XRCC5: variants seen among roughly 807,000 people sequenced by gnomAD.
XRCC5 encodes X-ray repair cross complementing 5, also known as DNA repair protein Ku80.
XRCC5 carries 12 observed loss-of-function variants against 95.7 expected under a neutral mutation model. The observed-to-expected ratio is 0.13, with a 90% CI of 0.08 to 0.20. The LOEUF (loss-of-function observed/expected upper bound fraction) is 0.20, where lower values mean the gene tolerates loss of function less well. Among genes scored for constraint, XRCC5 ranks in the 10% least tolerant of loss-of-function variants. XRCC5 has a pLI of 1.00. For missense variants in XRCC5, 595 were observed against 873.9 expected, an observed-to-expected ratio of 0.68 and a Z score of 4.02; for synonymous variants, 281 against 290.3, an observed-to-expected ratio of 0.97 and a Z score of 0.33.
At chr2:216,119,255 G>A (rs1574452267) in intron 5 of XRCC5, 90 bp downstream of exon 5, 1 of 1,445,178 alleles carries the variant, frequency 6.9e-7, no homozygotes, top group East Asian at 2.3e-5. Context: ...TGGTTTATGG[G>A]AATTTTCGCT....
intron 2 of XRCC5, among the ~76,000 whole-genome samples, chr2:216,114,594 G>A (rs1696648833): frequency 6.6e-6 from 1 of 151,960 alleles, no homozygotes; most frequent in Admixed American, 6.6e-5. Flanking sequence ...TGATGAGCAG[G>A]GCAAGGGAGG....
chr2:216,135,097 T>C (rs200558092), intron 10 of XRCC5, among the ~76,000 whole-genome samples: 1 of 6,686 alleles, frequency 1.5e-4, no homozygotes, highest in African/African-American at 8.1e-4. Context: ...CATAGTTTTT[T>C]TGTTTGTTTG....
intron 13 of XRCC5, 133 bp from the exon 14 acceptor site, chr2:216,147,950 C>T: frequency 1.0e-6 from 1 of 976,068 alleles, no homozygotes; most frequent in Non-Finnish European, 1.5e-6. Context: ...GGTGAATCCT[C>T]TTGATTGTTT....
chr2:216,182,157 G>A (rs888338765), intron 16 of XRCC5, among the ~76,000 whole-genome samples: 6 of 152,146 alleles, frequency 3.9e-5, no homozygotes, highest in Non-Finnish European at 8.8e-5. Context: ...AACAATGGCT[G>A]CCTGTTTCTC....
At chr2:216,174,200 CACCT>C (rs1244755680) in intron 16 of XRCC5, among the ~76,000 whole-genome samples, 2 of 152,030 alleles carry the variant, frequency 1.3e-5, no homozygotes, top group Non-Finnish European at 2.9e-5. Flanking sequence ...ATTTGAAGGT[CACCT>C]TAATGCTCTT....
At chr2:216,173,238 T>G (rs1381555279) in intron 16 of XRCC5, among the ~76,000 whole-genome samples, 1 of 151,488 alleles carries the variant, frequency 6.6e-6, no homozygotes, top group Non-Finnish European at 1.5e-5. Flanking sequence ...ATTATTGTAC[T>G]GGCTGGAACT....
intron 14 of XRCC5, 96 bp from the exon 15 acceptor site, chr2:216,159,972 T>C (rs1688919368): frequency 3.2e-6 from 2 of 617,158 alleles, no homozygotes; most frequent in Admixed American, 6.8e-5. Flanking sequence ...TTCTTCTTTT[T>C]TCTTTTTTTT....
chr2:216,115,351 G>A (rs1372759131), intron 2 of XRCC5, among the ~76,000 whole-genome samples: 1 of 152,140 alleles, frequency 6.6e-6, no homozygotes, highest in Admixed American at 6.5e-5. Flanking sequence ...GGAACTTAGT[G>A]CCAGTCCCAT....
chr2:216,123,608 C>T (rs374382296), intron 6 of XRCC5, among the ~76,000 whole-genome samples: 5 of 152,130 alleles, frequency 3.3e-5, no homozygotes, highest in African/African-American at 1.2e-4. Flanking sequence ...GAGTTCGAGA[C>T]CAGCCCAGCC....
chr2:216,195,581 T>C (rs1353356831), intron 19 of XRCC5, among the ~76,000 whole-genome samples: 1 of 151,926 alleles, frequency 6.6e-6, no homozygotes, highest in Non-Finnish European at 1.5e-5. Context: ...TATTCTAGCA[T>C]AAGGGACATC....
chr2:216,201,662 A>T (rs1191681743), intron 19 of XRCC5, among the ~76,000 whole-genome samples: 1 of 152,178 alleles, frequency 6.6e-6, no homozygotes, highest in Non-Finnish European at 1.5e-5. Flanking sequence ...CTTTCTCAGC[A>T]TATTGCAGAG....
At chr2:216,197,501 G>C (rs1222866834) in intron 19 of XRCC5, among the ~76,000 whole-genome samples, 1 of 146,042 alleles carries the variant, frequency 6.8e-6, no homozygotes, top group Non-Finnish European at 1.5e-5. Context: ...TCTTTGAATA[G>C]AGAGAACATC....
rs759827062 is a variant in XRCC5 at position 216,141,366 on chromosome 2, G to C, written c.1476+47G>C. 1.1e-5 allele frequency: 18 copies of C among 1,609,638 alleles called. No individual in the cohort carries two copies. The Admixed American group carries it at 1.7e-4, about 15-fold the overall frequency. ...AGTCATATTTCTTTTAAATGAAAGA[G>C]AGCTAAGTGCAAAGTTGCGGTAATT... On this transcript the variant is annotated intron_variant, in intron 13 of 20. Transcript: ENST00000392132.
chr2:216,114,862 G>T (rs962036952), intron 2 of XRCC5, among the ~76,000 whole-genome samples: 2 of 152,214 alleles, frequency 1.3e-5, no homozygotes, highest in Non-Finnish European at 2.9e-5. Flanking sequence ...TACTGAGCAT[G>T]CGCATGACTA....
At chr2:216,160,474 G>A (rs753554855) in intron 15 of XRCC5, among the ~76,000 whole-genome samples, 2 of 152,078 alleles carry the variant, frequency 1.3e-5, no homozygotes, top group African/African-American at 2.4e-5. Context: ...AAAATGATAG[G>A]ATAAGTGGGG....
At chr2:216,127,448 T>A in intron 7 of XRCC5, 88 bp from the exon 8 acceptor site, 1 of 1,406,516 alleles carries the variant, frequency 7.1e-7, no homozygotes, top group Non-Finnish European at 9.4e-7. Flanking sequence ...TGGATTTTTG[T>A]CTGTGCCAGA....
chr2:216,196,436 C>T (rs1689722439), intron 19 of XRCC5, among the ~76,000 whole-genome samples: 1 of 152,152 alleles, frequency 6.6e-6, no homozygotes, highest in Admixed American at 6.5e-5. Flanking sequence ...GATAATATCT[C>T]CTCATTGAAC....
At chr2:216,137,296 T>C in intron 11 of XRCC5, 71 bp downstream of exon 11, 5 of 1,503,332 alleles carry the variant, frequency 3.3e-6, no homozygotes, top group Non-Finnish European at 3.6e-6. Flanking sequence ...TCTCAGCTGT[T>C]AATGTTCATG....
intron 16 of XRCC5, among the ~76,000 whole-genome samples, chr2:216,169,463 G>C (rs939935601): frequency 5.3e-5 from 8 of 152,198 alleles, no homozygotes; most frequent in Non-Finnish European, 1.2e-4. Flanking sequence ...CTGTAGTTAT[G>C]GCTGGTGGAA....
Sources: gnomAD v4.1 joint callset for allele counts (sites outside exome capture counted in the v4.1 genomes callset) on GRCh38, gnomAD v4.1.1 for gene constraint, MANE v1.5 for transcripts, NCBI Gene and HGNC (gene_info 2026-07-23, HGNC 2026-07-21) for gene names.